Variants in TUSC3 observed in about 807,000 individuals in gnomAD.
The protein encoded by TUSC3 is dolichyl-diphosphooligosaccharide--protein glycosyltransferase subunit TUSC3.
A neutral mutation model predicts 44.8 loss-of-function variants in TUSC3; 45 were observed. The ratio of observed to expected loss-of-function variants is 1.00; its 90% CI spans 0.79 to 1.29. TUSC3 has a LOEUF of 1.29. Ranked by LOEUF, TUSC3 falls within the 50% of genes most tolerant of loss-of-function variation. The pLI is 0.00. For synonymous variants in TUSC3, 212 were observed against 152.9 expected, an observed-to-expected ratio of 1.39 and a Z score of -2.85; for missense variants, 519 against 437.9, an observed-to-expected ratio of 1.19 and a Z score of -1.65.
At chr8:15,844,500 T>G in the TUSC3 span, among the ~76,000 whole-genome samples, 1 of 152,142 alleles carries the variant, frequency 6.6e-6, no homozygotes, top group Non-Finnish European at 1.5e-5. Context: ...TGAACCCAAC[T>G]GCTGGCTGAG....
chr8:15,453,342 A>G (rs1800217437), intron 1 of TUSC3, among the ~76,000 whole-genome samples: 1 of 152,180 alleles, frequency 6.6e-6, no homozygotes. Context: ...AAGTATATAT[A>G]CTTATTCAAT....
intron 1 of TUSC3, among the ~76,000 whole-genome samples, chr8:15,610,045 A>G (rs1804694909): frequency 1.3e-5 from 2 of 152,072 alleles, no homozygotes; most frequent in South Asian, 2.1e-4. Flanking sequence ...TGTTGATCAC[A>G]TAACTATGTT....
At chr8:15,479,829 C>T (rs772275020) in intron 1 of TUSC3, among the ~76,000 whole-genome samples, 1 of 152,068 alleles carries the variant, frequency 6.6e-6, no homozygotes, top group African/African-American at 2.4e-5. Context: ...AGAAATAAAG[C>T]GTATTCAAAT....
chr8:15,468,734 A>G (rs1487261360), intron 1 of TUSC3, among the ~76,000 whole-genome samples: 4 of 152,174 alleles, frequency 2.6e-5, no homozygotes, highest in African/African-American at 9.6e-5. Flanking sequence ...ATCACAACAG[A>G]TATGAAAACA....
chr8:15,573,831 T>C lies in TUSC3; in HGVS notation c.138+33263T>C, dbSNP rs561138831. ...ACTTTGGAAGAAAACTGTGCAGAAA[T>C]GTCATGGAGAATTGTTTCGTCAGAA... On this transcript the variant is annotated intron_variant, in intron 1 of 10. Transcript: ENST00000503731. 7.9e-5 allele frequency among the ~76,000 whole-genome samples: 12 copies of C among 152,118 alleles called. No individual in the cohort carries two copies. In the East Asian group the frequency reaches 2.1e-3, roughly 27 times the overall value.
chr8:15,457,577 C>T (rs76590068), intron 1 of TUSC3, among the ~76,000 whole-genome samples: 6,302 of 150,546 alleles, frequency 0.042, 161 homozygotes, highest in Middle Eastern at 0.064. Context: ...ACATACGCTA[C>T]GAGAAAAATG....
intron 1 of TUSC3, among the ~76,000 whole-genome samples, chr8:15,470,888 C>G (rs950016251): frequency 1.3e-5 from 2 of 152,118 alleles, no homozygotes; most frequent in African/African-American, 4.8e-5. Flanking sequence ...GGGCTGGTTC[C>G]TGCCTTGTGC....
intron 6 of TUSC3, among the ~76,000 whole-genome samples, chr8:15,683,276 C>G (rs1342805417): frequency 6.6e-6 from 1 of 152,156 alleles, no homozygotes; most frequent in Non-Finnish European, 1.5e-5. Context: ...TAAGAACGCA[C>G]AATGAATCAT....
the TUSC3 span, among the ~76,000 whole-genome samples, chr8:15,822,094 A>C: frequency 6.6e-6 from 1 of 152,200 alleles, no homozygotes; most frequent in African/African-American, 2.4e-5. Flanking sequence ...GTAGGAAAGA[A>C]AGTGAGATAC....
rs571917482 is a variant in TUSC3 at position 15,497,742 on chromosome 8, T to G, written n.189+14259T>G. On this transcript the variant is annotated intron_variant and non_coding_transcript_variant, in intron 2 of 5. Coordinates refer to the TUSC3 transcript ENST00000503191. ...TCTTTTTCTTTGTTTCTTCTTCTTT[T>G]TTTTTTCTTTTTCTTTTTTTGAGAC... Among the ~76,000 whole-genome samples the G allele has an allele frequency of 2.6e-5, 4 of 152,154 alleles. No individual in the cohort carries two copies. The East Asian group carries it at 7.7e-4, about 29-fold the overall frequency.
chr8:15,725,933 T>G (rs954752240), intron 6 of TUSC3, among the ~76,000 whole-genome samples: 1 of 152,196 alleles, frequency 6.6e-6, no homozygotes, highest in African/African-American at 2.4e-5. Context: ...ACTACTTCAT[T>G]AAATTGAATG....
intron 1 of TUSC3, among the ~76,000 whole-genome samples, chr8:15,595,612 G>A (rs1183921345): frequency 2.0e-5 from 3 of 152,076 alleles, no homozygotes; most frequent in Non-Finnish European, 4.4e-5. Context: ...CAAATCAGTC[G>A]CTTTTGCTGT....
chr8:15,711,915 A>G (rs1809869143), intron 6 of TUSC3, among the ~76,000 whole-genome samples: 1 of 151,928 alleles, frequency 6.6e-6, no homozygotes, highest in South Asian at 2.1e-4. Context: ...CTATAGTTTC[A>G]GGAACTGAAA....
intron 2 of TUSC3, among the ~76,000 whole-genome samples, chr8:15,512,931 CATATATAT>C (rs10696221): frequency 0.019 from 2,097 of 110,540 alleles, 68 homozygotes; most frequent in African/African-American, 0.05. Flanking sequence ...TATATATAAT[CATATATAT>C]ATATATATAT....
At chr8:15,559,652 G>A (rs1486567933) in intron 1 of TUSC3, among the ~76,000 whole-genome samples, 2 of 137,514 alleles carry the variant, frequency 1.5e-5, no homozygotes, top group African/African-American at 5.3e-5. Context: ...CTCTTTGTAG[G>A]TCACTCAGGA....
At position 15,573,175 on chromosome 8, in the gene TUSC3, T is replaced by C. The variant is rs1191583339; in HGVS notation, c.138+32607T>C. On this transcript the variant is annotated intron_variant, in intron 1 of 10. Coordinates refer to ENST00000503731, the MANE Select transcript of TUSC3 (RefSeq NM_006765.4). ...GTATAGTGTTCTCTCTCTTTCTCTCTCTCTCTCTCTCTCTCTCTCTCTCTC... is the reference window on the plus strand; with the variant it reads ...GTATAGTGTTCTCTCTCTTTCTCTCCCTCTCTCTCTCTCTCTCTCTCTCTC... Among the ~76,000 whole-genome samples, 518 of 72,952 alleles carry C rather than the reference T, an allele frequency of 7.1e-3. 3 individuals are homozygous for C. The highest frequency in any genetic ancestry group is 0.021 in the African/African-American group (328 of 15,744). The allele number at this position is 72,952 out of a possible 152,430, so 47.9% of individuals were successfully genotyped here. A position where few individuals can be genotyped will look rare whatever the true frequency, so the allele number is the denominator to read the frequency against.
At chr8:15,448,417 C>A (rs917771352) in intron 1 of TUSC3, among the ~76,000 whole-genome samples, 5 of 151,928 alleles carry the variant, frequency 3.3e-5, no homozygotes, top group Admixed American at 3.3e-4. Context: ...CCATGCCCAG[C>A]CTAAAGTATA....
intron 3 of TUSC3, among the ~76,000 whole-genome samples, chr8:15,657,602 C>A (rs1156369001): frequency 2.0e-5 from 3 of 152,172 alleles, no homozygotes; most frequent in Non-Finnish European, 2.9e-5. Flanking sequence ...ACTTTCCTTG[C>A]ACCTCCCCTC....
chr8:15,489,858 G>A lies in TUSC3; in HGVS notation n.189+6375G>A, dbSNP rs10090140. Among the ~76,000 whole-genome samples the A allele has an allele frequency of 2.8e-3, 423 of 152,212 alleles. 4 individuals carry two copies. Among genetic ancestry groups the A allele is most frequent in the African/African-American group, 9.6e-3 (397 of 41,538 alleles). On this transcript the variant is annotated intron_variant and non_coding_transcript_variant, in intron 2 of 5. Transcript: ENST00000503191. ...AGATGGGGTCCATTCAGTCCCTTGG[G>A]CTTAGAATTCATAATATATTCTATT...
Sources: gnomAD v4.1 joint callset for allele counts (sites outside exome capture counted in the v4.1 genomes callset) on GRCh38, gnomAD v4.1.1 for gene constraint, MANE v1.5 for transcripts, NCBI Gene and HGNC (gene_info 2026-07-23, HGNC 2026-07-21) for gene names.